The following PRKG1 variants were observed in gnomAD, a reference collection of about 807,000 sequenced individuals.
The protein encoded by PRKG1 is protein kinase cGMP-dependent 1, also known as cGMP-dependent protein kinase 1.
PRKG1 carries 35 observed loss-of-function variants against 88.1 expected under a neutral mutation model. That is an observed-to-expected ratio of 0.40 (90% confidence interval 0.30 to 0.53). The LOEUF is 0.53. PRKG1 is among the 20% of genes least tolerant of loss of function. The pLI is 0.59. For synonymous variants in PRKG1, 303 were observed against 292.5 expected (o/e 1.04, Z -0.37); for missense variants, 540 against 839.8 (o/e 0.64, Z 4.41).
rs190802314 is a variant in PRKG1, at chr10:51,369,202, G to C, written c.479-98521G>C. On this transcript the variant is annotated intron_variant, in intron 2 of 17. Coordinates refer to ENST00000373980, the MANE Select transcript of PRKG1 (RefSeq NM_006258.4). ...TCTGAATGGAGTGTCTTATTCTGTT[G>C]GGCTTCTATAAGAAGAATACCATAG... Among the ~76,000 whole-genome samples, 128 of 151,938 alleles carry C rather than the reference G, an allele frequency of 8.4e-4. 1 individual carries two copies. Among genetic ancestry groups the C allele is most frequent in the African/African-American group, 3.1e-3 (127 of 41,454 alleles).
intron 3 of PRKG1, among the ~76,000 whole-genome samples, chr10:51,474,977 G>A (rs1283553631): frequency 6.6e-6 from 1 of 151,916 alleles, no homozygotes; most frequent in Non-Finnish European, 1.5e-5. Flanking sequence ...ATTATGTAAT[G>A]TAATCTTCAA....
At chr10:51,416,656 C>T (rs546793377) in intron 2 of PRKG1, among the ~76,000 whole-genome samples, 1 of 152,280 alleles carries the variant, frequency 6.6e-6, no homozygotes, top group African/African-American at 2.4e-5. Flanking sequence ...CAGGCAGATG[C>T]AAGCCCACAG....
intron 3 of PRKG1, among the ~76,000 whole-genome samples, chr10:51,653,827 G>A (rs534862118): frequency 1.1e-4 from 16 of 152,186 alleles, no homozygotes; most frequent in East Asian, 7.7e-4. Flanking sequence ...CTTGGCATCC[G>A]AAAGTGCTAG....
intron 7 of PRKG1, among the ~76,000 whole-genome samples, chr10:52,087,422 G>A (rs915829256): frequency 4.6e-5 from 7 of 151,842 alleles, no homozygotes; most frequent in African/African-American, 1.7e-4. Flanking sequence ...ATCTTTTTTT[G>A]AGAAATATTC....
At chr10:51,278,070 T>G (rs1840178571) in intron 2 of PRKG1, among the ~76,000 whole-genome samples, 1 of 152,256 alleles carries the variant, frequency 6.6e-6, no homozygotes, top group East Asian at 1.9e-4. Context: ...TGCCCATTCA[T>G]TATGATATTG....
At chr10:52,031,824 A>G (rs1845481784) in intron 5 of PRKG1, among the ~76,000 whole-genome samples, 1 of 152,178 alleles carries the variant, frequency 6.6e-6, no homozygotes, top group Non-Finnish European at 1.5e-5. Context: ...GATGATCTTT[A>G]TATTTGGATG....
chr10:51,677,354 G>T (rs1232251865), intron 3 of PRKG1, among the ~76,000 whole-genome samples: 1 of 152,056 alleles, frequency 6.6e-6, no homozygotes, highest in Non-Finnish European at 1.5e-5. Context: ...ACTCTTGTTT[G>T]TTATACCTCT....
At chr10:51,202,148 C>G (rs559713294) in intron 2 of PRKG1, among the ~76,000 whole-genome samples, 5 of 152,266 alleles carry the variant, frequency 3.3e-5, no homozygotes, top group Admixed American at 2.0e-4. Flanking sequence ...AGGTTCACAC[C>G]TACACTCTTC....
chr10:52,182,798 C>T (rs1382813287), intron 9 of PRKG1, among the ~76,000 whole-genome samples: 1 of 151,324 alleles, frequency 6.6e-6, no homozygotes, highest in Non-Finnish European at 1.5e-5. Flanking sequence ...ATCTATATCT[C>T]TGTTTTGGTA....
At chr10:51,900,646 A>G (rs994928870) in intron 4 of PRKG1, among the ~76,000 whole-genome samples, 1 of 152,166 alleles carries the variant, frequency 6.6e-6, no homozygotes, top group Admixed American at 6.6e-5. Context: ...AGTTTTCTGA[A>G]GTTTTAATTT....
At chr10:52,138,005 A>C (rs1339632509) in intron 8 of PRKG1, among the ~76,000 whole-genome samples, 1 of 152,102 alleles carries the variant, frequency 6.6e-6, no homozygotes, top group African/African-American at 2.4e-5. Flanking sequence ...AAAGAGTTGT[A>C]TATTTTTCCC....
At chr10:51,121,535 G>C (rs1845260810) in intron 1 of PRKG1, among the ~76,000 whole-genome samples, 1 of 152,126 alleles carries the variant, frequency 6.6e-6, no homozygotes, top group South Asian at 2.1e-4. Flanking sequence ...TGCACTCAGA[G>C]ATGAGAACTT....
At chr10:52,252,278 C>T (rs969986273) in intron 10 of PRKG1, 8 of 152,016 alleles carry the variant, frequency 5.3e-5, no homozygotes, top group Non-Finnish European at 1.0e-4. Context: ...CAAGTTCATA[C>T]ATTAAATACA....
intron 10 of PRKG1, among the ~76,000 whole-genome samples, chr10:52,267,372 T>C (rs1483734400): frequency 6.6e-6 from 1 of 152,078 alleles, no homozygotes; most frequent in African/African-American, 2.4e-5. Context: ...GGAATTCTAG[T>C]TGAATCAGAA....
chr10:51,619,932 G>A (rs914026908), intron 3 of PRKG1, among the ~76,000 whole-genome samples: 1 of 152,032 alleles, frequency 6.6e-6, no homozygotes, highest in Non-Finnish European at 1.5e-5. Context: ...CCTAACTGTA[G>A]TTTTTTCTTT....
chr10:52,068,726 A>G (rs1846421439), intron 7 of PRKG1, among the ~76,000 whole-genome samples: 1 of 152,182 alleles, frequency 6.6e-6, no homozygotes, highest in Admixed American at 6.5e-5. Flanking sequence ...TTCTGCTACC[A>G]CTTGATAAAG....
intron 9 of PRKG1, among the ~76,000 whole-genome samples, chr10:52,185,403 A>G (rs1361771296): frequency 3.9e-5 from 6 of 152,234 alleles, no homozygotes; most frequent in Non-Finnish European, 7.3e-5. Context: ...CCACTTGAGT[A>G]GCTCCACCCC....
chr10:52,034,781 T>A (rs1487772334), intron 5 of PRKG1, among the ~76,000 whole-genome samples: 1 of 151,904 alleles, frequency 6.6e-6, no homozygotes, highest in Non-Finnish European at 1.5e-5. Flanking sequence ...GATGACAAGT[T>A]TTTTGCGGCA....
chr10:52,188,086 G>A lies in PRKG1; in HGVS notation c.1076+26123G>A, dbSNP rs1266779618. 5.3e-5 allele frequency among the ~76,000 whole-genome samples: 8 copies of A among 151,692 alleles called. No homozygotes were observed. The East Asian group carries it at 9.7e-4, about 18-fold the overall frequency. On this transcript the variant is annotated intron_variant, in intron 9 of 17. Transcript: ENST00000373980. Reference sequence around the variant, plus strand: ...GAGTCATAAAGTTTATTTAGTGGATGATGACTAGCATTTTTATTACTTCAG... The same window carrying A: ...GAGTCATAAAGTTTATTTAGTGGATAATGACTAGCATTTTTATTACTTCAG...
Sources: allele counts gnomAD v4.1 joint callset (sites outside exome capture counted in the v4.1 genomes callset), GRCh38; gene constraint gnomAD v4.1.1; transcripts MANE v1.5; gene names NCBI Gene and HGNC (gene_info 2026-07-23, HGNC 2026-07-21).